The following ODAD2 variants were observed in gnomAD, a reference collection of about 807,000 sequenced individuals.
ODAD2 encodes outer dynein arm docking complex subunit 2.
Under a neutral mutation model 106.8 loss-of-function variants are expected in ODAD2, and 89 were observed. The observed-to-expected ratio is 0.83, with a 90% confidence interval of 0.70 to 0.99. The LOEUF is 0.99. ODAD2 is among the 50% of genes least tolerant of loss of function. The probability of loss-of-function intolerance (pLI) is 0.00; values close to 1 mark genes in which losing one functional copy is unlikely to be tolerated. For synonymous variants in ODAD2, 404 were observed against 436.2 expected (o/e 0.93, Z 0.92); for missense variants, 1,168 against 1,238.5 (o/e 0.94, Z 0.85).
intron 17 of ODAD2, among the ~76,000 whole-genome samples, chr10:27,874,043 T>C (rs961064442): frequency 5.9e-5 from 9 of 152,346 alleles, no homozygotes; most frequent in African/African-American, 1.9e-4. Context: ...GGTGCTTCTG[T>C]ATTGGGTGCA....
intron 1 of ODAD2, among the ~76,000 whole-genome samples, chr10:27,997,709 A>G (rs2133251509): frequency 6.6e-6 from 1 of 152,328 alleles, no homozygotes; most frequent in African/African-American, 2.4e-5. Context: ...GGCAAGATCA[A>G]TGTTATTAGA....
intron 19 of ODAD2, among the ~76,000 whole-genome samples, chr10:27,827,633 A>G (rs763159743): frequency 6.6e-6 from 1 of 151,566 alleles, no homozygotes. Flanking sequence ...GAATCCACCC[A>G]TTTCTCTTCA....
intron 19 of ODAD2, among the ~76,000 whole-genome samples, chr10:27,822,926 G>A (rs1433575327): frequency 6.6e-6 from 1 of 152,156 alleles, no homozygotes; most frequent in Non-Finnish European, 1.5e-5. Flanking sequence ...CTTTCCACTA[G>A]AGAGCTTTAA....
intron 17 of ODAD2, among the ~76,000 whole-genome samples, chr10:27,888,935 C>T (rs912505476): frequency 6.6e-6 from 1 of 152,100 alleles, no homozygotes; most frequent in Admixed American, 6.6e-5. Flanking sequence ...AAGACCTAAC[C>T]ATAAGACCTG....
intron 1 of ODAD2, 78 bp from the exon 2 acceptor site, chr10:27,995,258 A>G (rs550984357): frequency 7.1e-7 from 1 of 1,398,698 alleles, no homozygotes; most frequent in African/African-American, 1.5e-5. Flanking sequence ...AAGACTTTAA[A>G]CTAGTACTCC....
At chr10:27,971,453 A>G in intron 7 of ODAD2, 140 bp from the exon 8 acceptor site, 1 of 689,844 alleles carries the variant, frequency 1.4e-6, no homozygotes, top group South Asian at 2.1e-5. Flanking sequence ...CTAAACAAGG[A>G]CAACATCAAG....
chr10:27,945,010 A>G (rs1236841325), intron 10 of ODAD2, 48 bp from the exon 11 acceptor site: 5 of 1,602,196 alleles, frequency 3.1e-6, no homozygotes, highest in Non-Finnish European at 3.4e-6. Context: ...CCGCATTCCC[A>G]TAGAAATGCA....
intron 14 of ODAD2, 141 bp downstream of exon 14, chr10:27,939,756 T>A: frequency 2.1e-6 from 1 of 474,612 alleles, no homozygotes; most frequent in South Asian, 5.4e-5. Flanking sequence ...TAAAAATAAA[T>A]TAAAACTTAA....
intron 2 of ODAD2, among the ~76,000 whole-genome samples, chr10:27,990,854 C>A (rs541024907): frequency 6.6e-6 from 1 of 151,892 alleles, no homozygotes; most frequent in Admixed American, 6.6e-5. Context: ...ATTTTTATCT[C>A]GATGCATATA....
At chr10:27,956,064 G>A (rs1406854864) in intron 10 of ODAD2, among the ~76,000 whole-genome samples, 1 of 152,082 alleles carries the variant, frequency 6.6e-6, no homozygotes, top group African/African-American at 2.4e-5. Flanking sequence ...TCATGTGAAA[G>A]GTGAAATCCA....
chr10:27,971,507 C>T (rs1195564261), intron 7 of ODAD2, among the ~76,000 whole-genome samples, 194 bp from the exon 8 acceptor site: 1 of 152,118 alleles, frequency 6.6e-6, no homozygotes, highest in Admixed American at 6.6e-5. Flanking sequence ...ACGTGATGTT[C>T]CTAAACTCAC....
In ODAD2 at chr10:27,985,018, C is replaced by A; in HGVS notation, c.575+1G>T. On this transcript the variant is annotated splice_donor_variant, in intron 4 of 19. Transcript: ENST00000305242. LOFTEE classifies it high-confidence loss of function. The stretch of plus-strand genomic sequence containing the variant: ...GAGGTTCCTTTTTGAAAAAGACTCA[C>A]AATGAAATATGTTTTAGAGAATGAT... The A allele has an allele frequency of 6.2e-7, 1 of 1,603,788 alleles. No homozygotes were observed. Among genetic ancestry groups the A allele is most frequent in the African/African-American group, 1.3e-5 (1 of 74,614 alleles).
intron 10 of ODAD2, 22 bp downstream of exon 10, chr10:27,961,544 CAT>C (rs758326375): frequency 5.0e-6 from 8 of 1,586,470 alleles, no homozygotes; most frequent in Non-Finnish European, 6.9e-6. Flanking sequence ...ACATTGCAAA[CAT>C]ACTACCATAG....
At chr10:27,897,458 A>G (rs1473480710) in intron 17 of ODAD2, among the ~76,000 whole-genome samples, 2 of 152,138 alleles carry the variant, frequency 1.3e-5, no homozygotes, top group Non-Finnish European at 2.9e-5. Context: ...AAAAAATCCA[A>G]AATTCAAACA....
chr10:27,871,544 G>A (rs1840887624), intron 17 of ODAD2, among the ~76,000 whole-genome samples: 1 of 152,186 alleles, frequency 6.6e-6, no homozygotes, highest in Non-Finnish European at 1.5e-5. Flanking sequence ...AAGGTGCAAG[G>A]AAGGGATCCA....
intron 19 of ODAD2, among the ~76,000 whole-genome samples, chr10:27,836,343 C>T (rs1478014924): frequency 6.6e-6 from 1 of 152,072 alleles, no homozygotes; most frequent in Non-Finnish European, 1.5e-5. Flanking sequence ...GGGCCAGAAT[C>T]CAAACCCAGA....
At chr10:27,827,921 C>G (rs1231868882) in intron 19 of ODAD2, among the ~76,000 whole-genome samples, 2 of 152,098 alleles carry the variant, frequency 1.3e-5, no homozygotes, top group South Asian at 4.1e-4. Context: ...CTATATATTA[C>G]TTGTGCTACT....
At chr10:27,866,284 G>A (rs1840432205) in intron 17 of ODAD2, among the ~76,000 whole-genome samples, 1 of 152,160 alleles carries the variant, frequency 6.6e-6, no homozygotes, top group Non-Finnish European at 1.5e-5. Flanking sequence ...ACATGTAAAA[G>A]GTAAAATGAC....
intron 16 of ODAD2, among the ~76,000 whole-genome samples, chr10:27,919,303 T>C (rs1405616672): frequency 6.6e-6 from 1 of 152,028 alleles, no homozygotes; most frequent in Non-Finnish European, 1.5e-5. Flanking sequence ...TCACAGACAG[T>C]ACAGAATCCC....
Sources: gnomAD v4.1 joint callset for allele counts (sites outside exome capture counted in the v4.1 genomes callset) on GRCh38, gnomAD v4.1.1 for gene constraint, MANE v1.5 for transcripts, NCBI Gene and HGNC (gene_info 2026-07-23, HGNC 2026-07-21) for gene names.